THG1L: variants seen among roughly 807,000 people sequenced by gnomAD.
THG1L encodes the protein probable tRNA(His) guanylyltransferase.
Under a neutral mutation model 35.2 loss-of-function variants are expected in THG1L, and 27 were observed. The ratio of observed to expected loss-of-function variants is 0.77; its 90% CI spans 0.57 to 1.06. The LOEUF (loss-of-function observed/expected upper bound fraction) is 1.06, where lower values mean the gene tolerates loss of function less well. THG1L is among the 50% of genes least tolerant of loss of function. The pLI is 0.00. For synonymous variants in THG1L, 135 were observed against 132.4 expected, an observed-to-expected ratio of 1.02 and a Z score of -0.14; for missense variants, 377 against 371.8, an observed-to-expected ratio of 1.01 and a Z score of -0.12.
chr5:157,735,792 A>C (rs1760855244), intron 3 of THG1L, 54 bp from the exon 4 acceptor site: 1 of 1,225,762 alleles, frequency 8.2e-7, no homozygotes, highest in African/African-American at 1.5e-5. Flanking sequence ...TGAAGAATGA[A>C]TATTCAATAA....
At position 157,737,965 on chromosome 5, in the gene THG1L, A is replaced by T. The variant is rs371036417; in HGVS notation, c.706A>T (p.Arg236Trp). Residue 236 changes from arginine (R) to tryptophan (W), a missense_variant, in exon 5 of 6, where the codon AGG becomes TGG. Physicochemically the swap from Arg to Trp is moderately radical, Grantham distance 101. Transcript: ENST00000231198. ...INYNNELPMY[R>W]KGTVLIWQKV... ...CTATAATAATGAGCTGCCGATGTAT[A>T]GGAAAGGGACTGTGTTGATATGGCA... The T allele has an allele frequency of 6.2e-7, 1 of 1,613,064 alleles. No individual in the cohort carries two copies. Among genetic ancestry groups the T allele is most frequent in the African/African-American group, 1.3e-5 (1 of 74,856 alleles).
intron 5 of THG1L, 152 bp from the exon 6 acceptor site, chr5:157,739,169 G>A (rs759770467): frequency 1.2e-5 from 7 of 562,000 alleles, no homozygotes; most frequent in South Asian, 9.2e-5. Flanking sequence ...ACATATATGC[G>A]CATATATATA....
At chr5:157,734,500 G>A in intron 2 of THG1L, 76 bp from the exon 3 acceptor site, 1 of 1,556,146 alleles carries the variant, frequency 6.4e-7, no homozygotes, top group Non-Finnish European at 8.8e-7. Flanking sequence ...GTACCCACAG[G>A]TCTTATCATG....
chr5:157,740,089 T>G lies in THG1L; in HGVS notation c.*607T>G, dbSNP rs1760994888. On this transcript the variant is annotated 3_prime_UTR_variant, in exon 6 of 6. Coordinates refer to ENST00000231198, the MANE Select transcript of THG1L (RefSeq NM_017872.5). ...GGCTTCAGTGTCCTTGCGTACACATTCTGTGGATTGATTTAATGGAGTTGT... is the reference window on the plus strand; with the variant it reads ...GGCTTCAGTGTCCTTGCGTACACATGCTGTGGATTGATTTAATGGAGTTGT... 3 of 152,214 alleles carry G rather than the reference T, an allele frequency of 2.0e-5. No homozygotes were observed. The highest frequency in any genetic ancestry group is 3.8e-4 in the East Asian group (2 of 5,200). The allele number at this position is 152,214 out of a possible 1,614,324, so 9.4% of individuals were successfully genotyped here. A position where few individuals can be genotyped will look rare whatever the true frequency, so the allele number is the denominator to read the frequency against.
chr5:157,738,707 C>T, intron 5 of THG1L: 1 of 398,312 alleles, frequency 2.5e-6, no homozygotes. Flanking sequence ...TTGGTACAGA[C>T]TTGGATACTT....
In THG1L at chr5:157,731,619, G is replaced by A. The variant is rs1239238305; in HGVS notation, c.179G>A (p.Arg60Gln). The change falls in exon 1 of 6, where the codon CGG becomes CAG. Residue 60 changes from arginine to glutamine, a missense_variant. Transcript: ENST00000231198. ...HCWVVVRLDG[R>Q]NFHRFAEKHN... ...TGGGTGGTAGTGCGGCTGGACGGCCGGAATTTCCATCGGTGAGCGAGCTCG... is the reference window on the plus strand; with the variant it reads ...TGGGTGGTAGTGCGGCTGGACGGCCAGAATTTCCATCGGTGAGCGAGCTCG... 4 of 1,596,754 alleles carry A rather than the reference G, an allele frequency of 2.5e-6. No homozygotes were observed. Among genetic ancestry groups the A allele is most frequent in the African/African-American group, 1.3e-5 (1 of 74,370 alleles).
chr5:157,740,718 G>T lies in THG1L; in HGVS notation c.*1236G>T, dbSNP rs542413083. 6.6e-6 allele frequency: 1 copy of T among 151,936 alleles called. No homozygotes were observed. Among genetic ancestry groups the T allele is most frequent in the South Asian group, 2.1e-4 (1 of 4,788 alleles). The allele number at this position is 151,936 out of a possible 1,614,324, so 9.4% of individuals were successfully genotyped here. On this transcript the variant is annotated 3_prime_UTR_variant, in exon 6 of 6. Transcript: ENST00000231198. Reference sequence around the variant, plus strand: ...GGAGTTCGAGACCAGCGTGACCAACGTGGAGAAACCCCCGTCTCTACTAAA... The same window carrying T: ...GGAGTTCGAGACCAGCGTGACCAACTTGGAGAAACCCCCGTCTCTACTAAA...
At position 157,741,101 on chromosome 5, in the gene THG1L, A is replaced by G. The variant is rs1156861904; in HGVS notation, c.*1619A>G. ...TGTGCCTGCAATACCAGCTACTCAG[A>G]AGGCTGAAGCAGGATAATTGCTTGA... On this transcript the variant is annotated 3_prime_UTR_variant, in exon 6 of 6. Coordinates refer to ENST00000231198, the MANE Select transcript of THG1L (RefSeq NM_017872.5). 6.6e-6 allele frequency: 1 copy of G among 151,380 alleles called. No homozygotes were observed. The highest frequency in any genetic ancestry group is 1.5e-5 in the Non-Finnish European group (1 of 67,902). 9.4% of individuals were successfully genotyped at this position (151,380 alleles called of 1,614,324 possible). A position where few individuals can be genotyped will look rare whatever the true frequency, so the allele number is the denominator to read the frequency against.
At chr5:157,732,824 GACAGGCT>G (rs778280923) in intron 1 of THG1L, 37 bp from the exon 2 acceptor site, 1 of 1,610,098 alleles carries the variant, frequency 6.2e-7, no homozygotes, top group Non-Finnish European at 8.5e-7. Context: ...TGTTGTTAAT[GACAGGCT>G]TCCATCCATG....
At position 157,735,960 on chromosome 5, in the gene THG1L, C is replaced by T. The variant is rs536956126; in HGVS notation, c.627+26C>T. 14 of 1,483,194 alleles carry T rather than the reference C, an allele frequency of 9.4e-6. 1 individual carries two copies. The South Asian group carries it at 1.3e-4, about 14-fold the overall frequency. The allele number at this position is 1,483,194 out of a possible 1,614,324, so 91.9% of individuals were successfully genotyped here. ...GTATAAAGATCTTACTACATTAATA[C>T]TTAACTGGGGACAGTTCGCTGTAGG... is the stretch of plus-strand genomic sequence containing the variant. On this transcript the variant is annotated intron_variant, in intron 4 of 5. Coordinates refer to ENST00000231198, the MANE Select transcript of THG1L (RefSeq NM_017872.5).
intron 2 of THG1L, among the ~76,000 whole-genome samples, chr5:157,734,275 C>G (rs150417615): frequency 0.02 from 3,078 of 152,222 alleles, 45 homozygotes; most frequent in Middle Eastern, 0.058. Flanking sequence ...GTAATCCCAG[C>G]TACTCGGGAG....
At chr5:157,737,260 G>A (rs1408853762) in intron 4 of THG1L, among the ~76,000 whole-genome samples, 2 of 152,190 alleles carry the variant, frequency 1.3e-5, no homozygotes, top group East Asian at 3.8e-4. Context: ...AGGAGGCCAA[G>A]GTAGGTGGAT....
At chr5:157,733,931 C>G (rs1422879369) in intron 2 of THG1L, among the ~76,000 whole-genome samples, 1 of 152,068 alleles carries the variant, frequency 6.6e-6, no homozygotes, top group Admixed American at 6.6e-5. Flanking sequence ...ATGATTGTGC[C>G]AATCCACCCC....
chr5:157,739,238 A>G, intron 5 of THG1L, 83 bp from the exon 6 acceptor site: 1 of 1,391,610 alleles, frequency 7.2e-7, no homozygotes, highest in Non-Finnish European at 9.8e-7. Context: ...TGAAGATAAA[A>G]AGTGAGCTAT....
intron 2 of THG1L, among the ~76,000 whole-genome samples, chr5:157,734,120 A>G (rs1760803689): frequency 6.6e-6 from 1 of 151,604 alleles, no homozygotes; most frequent in Non-Finnish European, 1.5e-5. Flanking sequence ...AGGTGTGATG[A>G]CTCACGCCTG....
Position 157,739,600 on chromosome 5 carries a change from A to G in THG1L, c.*118A>G. The stretch of plus-strand genomic sequence containing the variant: ...CCCAGGACACTGGTGCGAATGACAC[A>G]ACTCAAGTTGGGAGGGGAACAGGGA... On this transcript the variant is annotated 3_prime_UTR_variant, in exon 6 of 6. Transcript: ENST00000231198. 3 of 1,235,364 alleles carry G rather than the reference A, an allele frequency of 2.4e-6. No individual in the cohort carries two copies. The highest frequency in any genetic ancestry group is 2.6e-5 in the Admixed American group (1 of 38,648). 76.5% of individuals were successfully genotyped at this position (1,235,364 alleles called of 1,614,324 possible).
At position 157,732,967 on chromosome 5, in the gene THG1L, T is replaced by C. The variant is rs1760768797; in HGVS notation, c.291T>C (p.Ile97=). Residue 97 remains isoleucine (I), a synonymous_variant, in exon 2 of 6, where the codon ATT becomes ATC. Transcript: ENST00000231198. ...CTGTGATGGAAGAACTAGAGGATATTGTGATCGCGTATGGACAGAGTGATG... is the reference window on the plus strand; with the variant it reads ...CTGTGATGGAAGAACTAGAGGATATCGTGATCGCGTATGGACAGAGTGATG... ...AQTVMEELED[I]VIAYGQSDEY... 2 of 1,614,104 alleles carry C rather than the reference T, an allele frequency of 1.2e-6. No individual in the cohort carries two copies. The highest frequency in any genetic ancestry group is 1.7e-6 in the Non-Finnish European group (2 of 1,180,060).
chr5:157,733,002 T>G lies in THG1L; in HGVS notation c.326T>G (p.Phe109Cys), dbSNP rs1407047582. The change falls in exon 2 of 6, where the codon TTT (phenylalanine) becomes TGT (cysteine). Residue 109 changes from phenylalanine (F) to cysteine (C), a missense_variant. By Grantham distance (205) the Phe-to-Cys change is radical. Transcript: ENST00000231198. ...TATGGACAGAGTGATGAGTACAGCT[T>G]TGTGTTCAAGCGGAAAACCAATTGG... ...IAYGQSDEYS[F>C]VFKRKTNWFK... The G allele has an allele frequency of 6.2e-7, 1 of 1,614,048 alleles. No individual in the cohort carries two copies. Among genetic ancestry groups the G allele is most frequent in the Non-Finnish European group, 8.5e-7 (1 of 1,180,050 alleles).
rs530959494 is a variant in THG1L, at chr5:157,736,585, C to T, written c.627+651C>T. Among the ~76,000 whole-genome samples, 10 of 152,280 alleles carry T rather than the reference C, an allele frequency of 6.6e-5. No individual in the cohort carries two copies. The East Asian group carries it at 1.2e-3, about 18-fold the overall frequency. ...CACTGAATTTTTGTCAGTCCCACCA[C>T]GCCTCTTCCCTCATTGCCATTTTCC... On this transcript the variant is annotated intron_variant, in intron 4 of 5. Transcript: ENST00000231198.
Sources: gnomAD v4.1 joint callset for allele counts (sites outside exome capture counted in the v4.1 genomes callset) on GRCh38, gnomAD v4.1.1 for gene constraint, MANE v1.5 for transcripts, NCBI Gene and HGNC (gene_info 2026-07-23, HGNC 2026-07-21) for gene names.